Variants in FBXO10 observed in about 807,000 individuals in gnomAD.
FBXO10 encodes the protein F-box only protein 10.
In FBXO10, 39 loss-of-function variants were observed where a neutral mutation model predicts 80.7. The ratio of observed to expected loss-of-function variants is 0.48; its 90% confidence interval spans 0.37 to 0.63. The LOEUF is 0.63. FBXO10 is among the 30% of genes least tolerant of loss of function. The pLI, the probability that FBXO10 is intolerant of heterozygous loss-of-function variation, is 0.00. For missense variants in FBXO10, 1,025 were observed against 1,269.0 expected, an observed-to-expected ratio of 0.81 and a Z score of 2.92; for synonymous variants, 449 against 489.6, an observed-to-expected ratio of 0.92 and a Z score of 1.09.
chr9:37,516,190 C>A, intron 9 of FBXO10, 105 bp from the exon 10 acceptor site: 1 of 1,283,508 alleles, frequency 7.8e-7, no homozygotes, highest in Non-Finnish European at 1.1e-6. Flanking sequence ...CAGGAACATG[C>A]CAGGCAGGTC....
chr9:37,541,824 A>G (rs1327569689), intron 1 of FBXO10, 50 bp from the exon 2 acceptor site: 2 of 1,435,752 alleles, frequency 1.4e-6, no homozygotes, highest in East Asian at 2.3e-5. Context: ...CCTACTTACC[A>G]GTCCCCCTTT....
Position 37,541,410 on chromosome 9 carries a change from C to G in FBXO10, c.359G>C (p.Ser120Thr), listed in dbSNP as rs746012187. The G allele has an allele frequency of 9.9e-6, 16 of 1,614,028 alleles. No individual in the cohort carries two copies. The East Asian group carries it at 3.6e-4, about 36-fold the overall frequency. The change falls in exon 2 of 11, where the codon AGC becomes ACC. Residue 120 changes from serine (S) to threonine (T), a missense_variant. Coordinates refer to ENST00000432825, the MANE Select transcript of FBXO10 (RefSeq NM_012166.3). ...GGCCATGGCCAAGGCACTGCCCAGG[C>G]TGTCAAACTCACGGCCTGGCCCAAC... The part of the protein sequence containing the change: ...LSVGPGREFD[S>T]LGSALAMASL...
chr9:37,553,053 T>C (rs945306284), intron 1 of FBXO10, among the ~76,000 whole-genome samples: 4 of 148,872 alleles, frequency 2.7e-5, no homozygotes, highest in Non-Finnish European at 6.0e-5. Flanking sequence ...TGTGTGTGTA[T>C]TTTTTTTGAG....
intron 1 of FBXO10, among the ~76,000 whole-genome samples, chr9:37,541,984 C>G (rs1821931921): frequency 6.6e-6 from 1 of 152,100 alleles, no homozygotes; most frequent in Admixed American, 6.5e-5. Flanking sequence ...CATGCACTAC[C>G]ACAACTAGCT....
intron 1 of FBXO10, among the ~76,000 whole-genome samples, chr9:37,546,833 A>G (rs561760344): frequency 1.3e-5 from 2 of 151,618 alleles, no homozygotes; most frequent in Non-Finnish European, 1.5e-5. Flanking sequence ...GGCGTGCGCC[A>G]CCACGCCTGG....
rs895851066 is a variant in FBXO10, at chr9:37,538,389, C to T, written c.586-446G>A. ...GAGGGGACAAGGTATACTGCCATTG[C>T]CAGGAAGCATTGAACAGTGGTTAAA... On this transcript the variant is annotated intron_variant, in intron 2 of 10. Coordinates refer to ENST00000432825, the MANE Select transcript of FBXO10 (RefSeq NM_012166.3). 3.9e-5 allele frequency among the ~76,000 whole-genome samples: 6 copies of T among 152,240 alleles called. No individual in the cohort carries two copies. The South Asian group carries it at 1.0e-3, about 26-fold the overall frequency.
At chr9:37,546,556 G>A (rs1422400133) in intron 1 of FBXO10, among the ~76,000 whole-genome samples, 3 of 152,154 alleles carry the variant, frequency 2.0e-5, no homozygotes, top group Non-Finnish European at 4.4e-5. Flanking sequence ...CAGGTCCTAA[G>A]AGAAAATATT....
intron 4 of FBXO10, among the ~76,000 whole-genome samples, chr9:37,529,837 CTTTT>C (rs34740759): frequency 7.1e-6 from 1 of 140,746 alleles, no homozygotes. Context: ...CAAGAGATAT[CTTTT>C]TTTTTTTTTT....
At chr9:37,526,292 T>A (rs1821470057) in intron 5 of FBXO10, among the ~76,000 whole-genome samples, 1 of 152,158 alleles carries the variant, frequency 6.6e-6, no homozygotes, top group Non-Finnish European at 1.5e-5. Context: ...GTGGCAAAAA[T>A]AGATCCTATG....
Position 37,541,529 on chromosome 9 carries a change from A to C in FBXO10, c.240T>G (p.Leu80=), listed in dbSNP as rs772285520. Residue 80 remains leucine, a synonymous_variant, in exon 2 of 11, where the codon CTT becomes CTG. Transcript: ENST00000432825. ...CATTCTTGGTCCATGTCTTGGATGC[A>C]AGGTAATGCTGCTTGAAGGCTTCTC... The part of the protein sequence containing the change: ...SWREAFKQHY[L]ASKTWTKNAL... 6.8e-6 allele frequency: 11 copies of C among 1,613,874 alleles called. No individual in the cohort carries two copies. The highest frequency in any genetic ancestry group is 9.3e-6 in the Non-Finnish European group (11 of 1,179,786).
intron 1 of FBXO10, among the ~76,000 whole-genome samples, chr9:37,548,520 C>T (rs1169337435): frequency 6.6e-6 from 1 of 152,210 alleles, no homozygotes; most frequent in Non-Finnish European, 1.5e-5. Context: ...GCTCCACCAC[C>T]TGTACTGTAT....
At chr9:37,560,508 C>A (rs1476121136) in intron 1 of FBXO10, among the ~76,000 whole-genome samples, 1 of 152,122 alleles carries the variant, frequency 6.6e-6, no homozygotes, top group African/African-American at 2.4e-5. Context: ...AACAATTGCC[C>A]CCTCTTGACT....
At position 37,510,958 on chromosome 9, in the gene FBXO10, A is replaced by G. The variant is rs1437486985; in HGVS notation, c.*1589T>C. 6.6e-6 allele frequency: 1 copy of G among 152,664 alleles called. No homozygotes were observed. Among genetic ancestry groups the G allele is most frequent in the African/African-American group, 2.4e-5 (1 of 41,456 alleles). The allele number at this position is 152,664 out of a possible 1,614,324, so 9.5% of individuals were successfully genotyped here. A position where few individuals can be genotyped will look rare whatever the true frequency, so the allele number is the denominator to read the frequency against. ...TTTTTGTTACTGTTGGTTCACAGAA[A>G]AGTCATTTCTTAGAAAATAGTAACG... On this transcript the variant is annotated 3_prime_UTR_variant, in exon 11 of 11. Transcript: ENST00000432825.
intron 9 of FBXO10, among the ~76,000 whole-genome samples, chr9:37,516,939 CAA>C (rs1373888071): frequency 1.1e-5 from 1 of 91,058 alleles, no homozygotes; most frequent in African/African-American, 4.6e-5. Context: ...CCAGCCTGGG[CAA>C]AAGAGTGAAA....
At chr9:37,554,121 C>A (rs1208144189) in intron 1 of FBXO10, among the ~76,000 whole-genome samples, 2 of 152,094 alleles carry the variant, frequency 1.3e-5, no homozygotes, top group Non-Finnish European at 2.9e-5. Flanking sequence ...AATTTTATCA[C>A]CTGTGTAACT....
At chr9:37,563,054 C>A in intron 1 of FBXO10, among the ~76,000 whole-genome samples, 1 of 152,146 alleles carries the variant, frequency 6.6e-6, no homozygotes. Context: ...TAGAGATAAT[C>A]AGATCATGAA....
At position 37,515,920 on chromosome 9, in the gene FBXO10, G is replaced by A; in HGVS notation, c.2680C>T (p.Leu894=). The A allele has an allele frequency of 5.0e-6, 8 of 1,613,646 alleles. No homozygotes were observed. The highest frequency in any genetic ancestry group is 6.8e-6 in the Non-Finnish European group (8 of 1,179,746). ...RECIMQNNKF[L]VFKKKSDTWR... is the part of the protein sequence containing the mutation. ...AGCACTCACTTTTTCTTGAAGACCA[G>A]GAACTTGTTGTTTTGCATGATGCAT... The change falls in exon 10 of 11, where the codon CTG becomes TTG. Residue 894 remains leucine, a synonymous_variant. Transcript: ENST00000432825.
At chr9:37,555,342 T>C (rs556130657) in intron 1 of FBXO10, among the ~76,000 whole-genome samples, 34 of 152,302 alleles carry the variant, frequency 2.2e-4, no homozygotes, top group East Asian at 1.2e-3. Context: ...TGGCCATTCA[T>C]ATATCTCCTT....
rs1421874585 is a variant in FBXO10, at chr9:37,511,802, G to T, written c.*745C>A. The T allele has an allele frequency of 6.6e-6, 1 of 152,506 alleles. No individual in the cohort carries two copies. The highest frequency in any genetic ancestry group is 1.9e-4 in the East Asian group (1 of 5,198). The allele number at this position is 152,506 out of a possible 1,614,324, so 9.4% of individuals were successfully genotyped here. ...GGCTGATGCTCAGGAGGGGCGGCTG[G>T]TGTGGGCACGCTCACATGGGGTTTG... On this transcript the variant is annotated 3_prime_UTR_variant, in exon 11 of 11. Transcript: ENST00000432825.
Sources: gnomAD v4.1 joint callset for allele counts (sites outside exome capture counted in the v4.1 genomes callset) on GRCh38, gnomAD v4.1.1 for gene constraint, MANE v1.5 for transcripts, NCBI Gene and HGNC (gene_info 2026-07-23, HGNC 2026-07-21) for gene names.